OR2Z1: variants seen among roughly 807,000 people sequenced by gnomAD.
The protein encoded by OR2Z1 is olfactory receptor family 2 subfamily Z member 1.
For missense variants in OR2Z1, 449 were observed against 401.8 expected (o/e 1.12, Z -1.00); for synonymous variants, 188 against 160.6 (o/e 1.17, Z -1.29).
intron 2 of OR2Z1, among the ~76,000 whole-genome samples, chr19:8,724,582 C>G (rs537419181): frequency 6.6e-6 from 1 of 152,254 alleles, no homozygotes; most frequent in African/African-American, 2.4e-5. Flanking sequence ...ATTTCTATAA[C>G]AGCTTCCCCA....
intron 2 of OR2Z1, among the ~76,000 whole-genome samples, chr19:8,728,206 C>T (rs1342093593): frequency 1.3e-5 from 2 of 152,208 alleles, no homozygotes; most frequent in African/African-American, 4.8e-5. Context: ...ACTGCATGGT[C>T]TTTCAGAATA....
intron 2 of OR2Z1, among the ~76,000 whole-genome samples, chr19:8,725,189 C>T (rs897960576): frequency 5.3e-5 from 8 of 152,184 alleles, no homozygotes; most frequent in African/African-American, 1.7e-4. Context: ...CAAACTCTAA[C>T]TCTAAATTCT....
intron 2 of OR2Z1, among the ~76,000 whole-genome samples, chr19:8,730,245 G>A (rs1050649722): frequency 5.9e-5 from 9 of 151,992 alleles, no homozygotes; most frequent in Non-Finnish European, 1.2e-4. Context: ...TCTCATCCAC[G>A]CATTTAGACC....
chr19:8,730,928 A>G lies in OR2Z1; in HGVS notation c.-101A>G, dbSNP rs782603514. On this transcript the variant is annotated 5_prime_UTR_variant, in exon 3 of 3. It removes an upstream start codon present in the reference 5' UTR. Coordinates refer to ENST00000641125, the MANE Select transcript of OR2Z1 (RefSeq NM_001004699.3). ...CATCCCAGGAAGCCACTACCAATCA[A>G]TGATGATTGGCATGTGAGATGAAAA... 1.3e-5 allele frequency: 11 copies of G among 862,292 alleles called. No homozygotes were observed. Among genetic ancestry groups the G allele is most frequent in the Non-Finnish European group, 1.6e-5 (9 of 545,734 alleles). The allele number at this position is 862,292 out of a possible 1,614,324, so 53.4% of individuals were successfully genotyped here.
intron 2 of OR2Z1, among the ~76,000 whole-genome samples, chr19:8,725,642 G>A (rs879964309): frequency 5.9e-5 from 9 of 152,262 alleles, no homozygotes; most frequent in Middle Eastern, 3.4e-3. Context: ...TTCTTTGCTA[G>A]GTTGAACCAC....
rs1285994897 is a variant in OR2Z1, at chr19:8,731,047, T to A, written c.19T>A (p.Ser7Thr). The part of the protein sequence containing the change: MGDVNQ[S>T]VASDFILVGL... ...GTAAAACATGGGGGATGTGAATCAGTCGGTGGCCTCAGACTTCATTCTGGT... is the reference window on the plus strand; with the variant it reads ...GTAAAACATGGGGGATGTGAATCAGACGGTGGCCTCAGACTTCATTCTGGT... Residue 7 changes from serine (S) to threonine (T), a missense_variant, in exon 3 of 3, where the codon TCG (serine) becomes ACG (threonine). Ser to Thr is a moderately conservative substitution (Grantham distance 58). Coordinates refer to ENST00000641125, the MANE Select transcript of OR2Z1 (RefSeq NM_001004699.3). 2 of 1,614,058 alleles carry A rather than the reference T, an allele frequency of 1.2e-6. No individual in the cohort carries two copies. The highest frequency in any genetic ancestry group is 1.7e-6 in the Non-Finnish European group (2 of 1,179,954).
chr19:8,729,012 G>A (rs1367608160), intron 2 of OR2Z1: 1 of 812,218 alleles, frequency 1.2e-6, no homozygotes, highest in Non-Finnish European at 2.1e-6. Context: ...TCTCCTGGGG[G>A]TGCTCTTTCG....
rs1555756866 is a variant in OR2Z1 at position 8,731,876 on chromosome 19, C to A, written c.848C>A (p.Pro283His). The change falls in exon 3 of 3, where the codon CCT becomes CAT. Residue 283 changes from proline (P) to histidine (H), a missense_variant. By Grantham distance (77) the Pro-to-His change is moderately conservative (BLOSUM62 -2). Coordinates refer to ENST00000641125, the MANE Select transcript of OR2Z1 (RefSeq NM_001004699.3). Reference sequence around the variant, plus strand: ...TCCCTCTTCTATAGCCTTGTCACCCCTACACTCAACCCCCTTATCTACAGT... The same window carrying A: ...TCCCTCTTCTATAGCCTTGTCACCCATACACTCAACCCCCTTATCTACAGT... The part of the protein sequence containing the change: ...VVSLFYSLVT[P>H]TLNPLIYSLR... 1 of 1,614,096 alleles carries A rather than the reference C, an allele frequency of 6.2e-7. No homozygotes were observed. Among genetic ancestry groups the A allele is most frequent in the African/African-American group, 1.3e-5 (1 of 74,940 alleles).
chr19:8,731,453 T>C lies in OR2Z1; in HGVS notation c.425T>C (p.Leu142Pro). ...GTACTTATGAGACGCCAGGTATGTC[T>C]GCTGATGATGGGCTCCTCCTGGGTG... ...YPVLMRRQVC[L>P]LMMGSSWVVG... is the part of the protein sequence containing the mutation. The change falls in exon 3 of 3, where the codon CTG becomes CCG. Residue 142 changes from leucine to proline, a missense_variant. Coordinates refer to ENST00000641125, the MANE Select transcript of OR2Z1 (RefSeq NM_001004699.3). 1 of 1,614,096 alleles carries C rather than the reference T, an allele frequency of 6.2e-7. No individual in the cohort carries two copies. Among genetic ancestry groups the C allele is most frequent in the Non-Finnish European group, 8.5e-7 (1 of 1,180,012 alleles).
intron 2 of OR2Z1, among the ~76,000 whole-genome samples, chr19:8,725,445 G>T (rs1599207607): frequency 6.6e-6 from 1 of 152,098 alleles, no homozygotes; most frequent in South Asian, 2.1e-4. Flanking sequence ...GTTTCACCTT[G>T]TTGGCTGGGC....
intron 2 of OR2Z1, among the ~76,000 whole-genome samples, chr19:8,727,273 C>G (rs1243910393): frequency 1.3e-5 from 2 of 152,114 alleles, no homozygotes; most frequent in Non-Finnish European, 2.9e-5. Context: ...TGCCATGAAG[C>G]AGCCACTTTG....
chr19:8,730,327 GCC>G (rs1555756582), intron 2 of OR2Z1, among the ~76,000 whole-genome samples: 3 of 152,040 alleles, frequency 2.0e-5, no homozygotes, highest in Non-Finnish European at 4.4e-5. Context: ...TCACCTCCCA[GCC>G]CTTTTGGTAT....
intron 2 of OR2Z1, among the ~76,000 whole-genome samples, chr19:8,724,425 G>A (rs550098510): frequency 2.0e-5 from 3 of 151,922 alleles, no homozygotes; most frequent in East Asian, 1.9e-4. Flanking sequence ...TTGTAGAGTC[G>A]GGATCTTGCC....
At chr19:8,724,102 A>G (rs1486204376) in intron 2 of OR2Z1, among the ~76,000 whole-genome samples, 4 of 151,846 alleles carry the variant, frequency 2.6e-5, no homozygotes, top group African/African-American at 9.7e-5. Flanking sequence ...AGGACTTTGG[A>G]ATTAAATCTC....
At chr19:8,729,326 G>A in intron 2 of OR2Z1, 1 of 443,550 alleles carries the variant, frequency 2.3e-6, no homozygotes, top group Non-Finnish European at 4.1e-6. Flanking sequence ...TGATAAGTGA[G>A]AACATGTGGT....
rs56684959 is a variant in OR2Z1 at position 8,730,974 on chromosome 19, G to C, written c.-55G>C. The C allele has an allele frequency of 0.01, 14,628 of 1,441,166 alleles. 1,150 individuals are homozygous for C. In the African/African-American group the frequency reaches 0.17, roughly 17 times the overall value. 89.3% of individuals were successfully genotyped at this position (1,441,166 alleles called of 1,614,324 possible). On this transcript the variant is annotated 5_prime_UTR_variant, in exon 3 of 3. Transcript: ENST00000641125. ...GAAAATTATTTGCCACCCCATGCAG[G>C]CTTCTTGCCATAGTTCAGCTGTTCT... is the stretch of plus-strand genomic sequence containing the variant.
intron 2 of OR2Z1, among the ~76,000 whole-genome samples, chr19:8,724,405 T>C (rs1555755964): frequency 6.6e-6 from 1 of 151,986 alleles, no homozygotes; most frequent in Non-Finnish European, 1.5e-5. Flanking sequence ...CTGGCTAATT[T>C]TTCTATTTCT....
In OR2Z1 at chr19:8,730,975, C is replaced by T; in HGVS notation, c.-54C>T. ...AAAATTATTTGCCACCCCATGCAGGCTTCTTGCCATAGTTCAGCTGTTCTT... is the reference window on the plus strand; with the variant it reads ...AAAATTATTTGCCACCCCATGCAGGTTTCTTGCCATAGTTCAGCTGTTCTT... On this transcript the variant is annotated 5_prime_UTR_variant, in exon 3 of 3. Coordinates refer to ENST00000641125, the MANE Select transcript of OR2Z1 (RefSeq NM_001004699.3). 1.4e-6 allele frequency: 2 copies of T among 1,450,772 alleles called. No homozygotes were observed. Among genetic ancestry groups the T allele is most frequent in the Non-Finnish European group, 9.6e-7 (1 of 1,045,070 alleles). 89.9% of individuals were successfully genotyped at this position (1,450,772 alleles called of 1,614,324 possible).
intron 2 of OR2Z1, among the ~76,000 whole-genome samples, chr19:8,726,642 T>C (rs1450566803): frequency 6.6e-6 from 1 of 152,242 alleles, no homozygotes; most frequent in Non-Finnish European, 1.5e-5. Flanking sequence ...ACCGGGGATC[T>C]TGCCTGGATG....
Sources: gnomAD v4.1 joint callset for allele counts (sites outside exome capture counted in the v4.1 genomes callset) on GRCh38, gnomAD v4.1.1 for gene constraint, MANE v1.5 for transcripts, NCBI Gene and HGNC (gene_info 2026-07-23, HGNC 2026-07-21) for gene names.